CTNNA3: variants seen among roughly 807,000 people sequenced by gnomAD.
CTNNA3 encodes catenin alpha 3.
A neutral mutation model predicts 95.7 loss-of-function variants in CTNNA3; 76 were observed. The observed-to-expected ratio is 0.79, with a 90% CI of 0.66 to 0.96. CTNNA3 has a LOEUF of 0.96. Ranked by LOEUF, CTNNA3 falls within the 40% of genes least tolerant of loss-of-function variation. The probability of loss-of-function intolerance (pLI) is 0.00; values close to 1 mark genes in which losing one functional copy is unlikely to be tolerated. For synonymous variants in CTNNA3, 431 were observed against 374.4 expected (o/e 1.15, Z -1.74); for missense variants, 1,191 against 1,089.8 (o/e 1.09, Z -1.31).
chr10:66,100,313 AG>A (rs1301780041), intron 14 of CTNNA3, among the ~76,000 whole-genome samples: 1 of 152,138 alleles, frequency 6.6e-6, no homozygotes, highest in Non-Finnish European at 1.5e-5. Flanking sequence ...GCCTCATATA[AG>A]GTTGTATATG....
intron 5 of CTNNA3, among the ~76,000 whole-genome samples, chr10:67,324,701 C>CTTGT (rs1841469167): frequency 7.0e-6 from 1 of 141,988 alleles, no homozygotes. Flanking sequence ...AAATTTTCTC[C>CTTGT]TTTTTTTTTT....
intron 5 of CTNNA3, among the ~76,000 whole-genome samples, chr10:67,440,138 G>A (rs1417159463): frequency 3.3e-5 from 5 of 152,116 alleles, no homozygotes; most frequent in Non-Finnish European, 7.4e-5. Flanking sequence ...GCCTGGCAGC[G>A]TTCACCACAA....
chr10:67,571,602 A>G (rs1046193499), intron 3 of CTNNA3, among the ~76,000 whole-genome samples: 4 of 152,190 alleles, frequency 2.6e-5, no homozygotes, highest in African/African-American at 9.6e-5. Context: ...AGATTATAAT[A>G]GACTATAGTT....
chr10:66,504,964 T>C (rs1385042018), intron 11 of CTNNA3, among the ~76,000 whole-genome samples: 1 of 152,208 alleles, frequency 6.6e-6, no homozygotes, highest in East Asian at 1.9e-4. Context: ...TATATTGTTA[T>C]GCAAGTCTAA....
rs138601084 is a variant in CTNNA3, at chr10:67,743,029, C to G, written c.-2+20405G>C. Among the ~76,000 whole-genome samples the G allele has an allele frequency of 0.033, 5,030 of 150,936 alleles. 659 individuals carry two copies. The East Asian group carries it at 0.43, about 13-fold the overall frequency. ...TAATCAATAGCTTACCAACCAAAAACACTCCAGGACCAGATGGATTCACAG... is the reference window on the plus strand; with the variant it reads ...TAATCAATAGCTTACCAACCAAAAAGACTCCAGGACCAGATGGATTCACAG... On this transcript the variant is annotated intron_variant, in intron 1 of 17. Transcript: ENST00000684154.
chr10:66,963,414 C>T (rs767672528), intron 7 of CTNNA3, among the ~76,000 whole-genome samples: 3 of 152,154 alleles, frequency 2.0e-5, no homozygotes, highest in Non-Finnish European at 4.4e-5. Flanking sequence ...ATTATATGCA[C>T]AAAGTTCCTG....
At chr10:66,766,098 TG>T (rs1184159909) in intron 9 of CTNNA3, 165 bp downstream of exon 9, 1 of 534,196 alleles carries the variant, frequency 1.9e-6, no homozygotes, top group East Asian at 2.8e-5. Context: ...CAATGTGGAG[TG>T]ATCTATACAA....
intron 7 of CTNNA3, among the ~76,000 whole-genome samples, chr10:66,878,270 TAG>T (rs1844701413): frequency 6.6e-6 from 1 of 152,128 alleles, no homozygotes; most frequent in African/African-American, 2.4e-5. Flanking sequence ...TAGAATACAA[TAG>T]AGTTCTAAAT....
chr10:67,583,606 G>T (rs1164441058), intron 3 of CTNNA3, among the ~76,000 whole-genome samples: 3 of 152,138 alleles, frequency 2.0e-5, no homozygotes, highest in African/African-American at 7.2e-5. Flanking sequence ...ATGTTGGCCT[G>T]CCTTGCTAGG....
intron 5 of CTNNA3, among the ~76,000 whole-genome samples, chr10:67,288,292 C>T (rs983062546): frequency 5.9e-5 from 9 of 152,146 alleles, no homozygotes; most frequent in African/African-American, 2.2e-4. Flanking sequence ...TGAGTCCCAA[C>T]AACAGAAGCA....
intron 5 of CTNNA3, among the ~76,000 whole-genome samples, chr10:67,231,581 A>T (rs947827438): frequency 1.3e-5 from 2 of 152,226 alleles, no homozygotes; most frequent in Non-Finnish European, 2.9e-5. Context: ...TGGAAAAAAC[A>T]GAGCAGAAAA....
At chr10:67,005,342 C>G (rs913331309) in intron 7 of CTNNA3, among the ~76,000 whole-genome samples, 6 of 152,158 alleles carry the variant, frequency 3.9e-5, no homozygotes, top group Admixed American at 1.3e-4. Context: ...AACACCTGAT[C>G]TAAATACACT....
chr10:67,557,058 A>C (rs140273986), intron 3 of CTNNA3, among the ~76,000 whole-genome samples: 1 of 152,130 alleles, frequency 6.6e-6, no homozygotes, highest in Non-Finnish European at 1.5e-5. Flanking sequence ...CATGTAGTTG[A>C]GCAGTTTTGA....
intron 11 of CTNNA3, among the ~76,000 whole-genome samples, chr10:66,431,310 A>T (rs2093293633): frequency 6.6e-6 from 1 of 152,218 alleles, no homozygotes; most frequent in Non-Finnish European, 1.5e-5. Flanking sequence ...ACTGTAAACT[A>T]GTTCAACCAT....
chr10:66,826,079 G>A (rs1016899257), intron 7 of CTNNA3, among the ~76,000 whole-genome samples: 2 of 152,156 alleles, frequency 1.3e-5, no homozygotes, highest in African/African-American at 4.8e-5. Flanking sequence ...TCCTTCAAAA[G>A]GAAGGGGTTA....
At chr10:67,688,243 C>A (rs1840772056) in intron 1 of CTNNA3, among the ~76,000 whole-genome samples, 1 of 152,180 alleles carries the variant, frequency 6.6e-6, no homozygotes, top group East Asian at 1.9e-4. Flanking sequence ...AATTCCCCTC[C>A]CCCTACAGCT....
At position 66,207,756 on chromosome 10, in the gene CTNNA3, T is replaced by G. The variant is rs918047571; in HGVS notation, c.1884+72714A>C. 6.6e-5 allele frequency among the ~76,000 whole-genome samples: 10 copies of G among 152,114 alleles called. No homozygotes were observed. The South Asian group carries it at 1.2e-3, about 19-fold the overall frequency. ...CTTTCTAAATATATAAATTTGAGTT[T>G]CAGAAGGACTAGGGCTTGTAATGAT... On this transcript the variant is annotated intron_variant, in intron 13 of 17. Coordinates refer to ENST00000433211, the MANE Select transcript of CTNNA3 (RefSeq NM_013266.4).
At chr10:66,703,895 A>G (rs1288057986) in intron 9 of CTNNA3, among the ~76,000 whole-genome samples, 2 of 152,156 alleles carry the variant, frequency 1.3e-5, no homozygotes, top group African/African-American at 4.8e-5. Context: ...TTGTCAATGA[A>G]TTTTTCCACT....
In CTNNA3 at chr10:66,055,011, T is replaced by C. The variant is rs539183354; in HGVS notation, c.2159+14297A>G. On this transcript the variant is annotated intron_variant, in intron 15 of 17. Transcript: ENST00000433211. ...TCCCAATGTATTTTCTTGGCATTTT[T>C]ATCCAAAATGAGTTGACTATAAATG... 2.6e-4 allele frequency among the ~76,000 whole-genome samples: 39 copies of C among 152,326 alleles called. No homozygotes were observed. The South Asian group carries it at 7.0e-3, about 27-fold the overall frequency.
Sources: gnomAD v4.1 joint callset for allele counts (sites outside exome capture counted in the v4.1 genomes callset) on GRCh38, gnomAD v4.1.1 for gene constraint, MANE v1.5 for transcripts, NCBI Gene and HGNC (gene_info 2026-07-23, HGNC 2026-07-21) for gene names.